The following CERS6 variants were observed in gnomAD, a reference collection of about 807,000 sequenced individuals.
The protein encoded by CERS6 is ceramide synthase 6.
Under a neutral mutation model 56.8 loss-of-function variants are expected in CERS6, and 26 were observed. The observed-to-expected ratio is 0.46, with a 90% CI of 0.34 to 0.63. CERS6 has a LOEUF of 0.63. Ranked by LOEUF, CERS6 falls within the 30% of genes least tolerant of loss-of-function variation. CERS6 has a pLI of 0.01. For synonymous variants in CERS6, 164 were observed against 173.3 expected (o/e 0.95, Z 0.42); for missense variants, 415 against 467.5 (o/e 0.89, Z 1.04).
chr2:168,517,515 A>T (rs202036609), intron 1 of CERS6, among the ~76,000 whole-genome samples: 55 of 150,490 alleles, frequency 3.7e-4, no homozygotes, highest in East Asian at 2.7e-3. Flanking sequence ...ATAAATAAAT[A>T]AATAAATAAT....
At chr2:168,634,573 A>G (rs1684821125) in intron 4 of CERS6, among the ~76,000 whole-genome samples, 2 of 151,952 alleles carry the variant, frequency 1.3e-5, no homozygotes, top group African/African-American at 4.8e-5. Context: ...CCACCATGAC[A>G]GGCTAATTTT....
intron 8 of CERS6, among the ~76,000 whole-genome samples, chr2:168,763,344 C>T (rs1324032254): frequency 1.3e-5 from 2 of 149,838 alleles, no homozygotes; most frequent in East Asian, 2.0e-4. Flanking sequence ...TGGGTTCAAG[C>T]AATTCTCCTG....
At chr2:168,534,276 G>C (rs749266088) in intron 1 of CERS6, among the ~76,000 whole-genome samples, 4 of 152,056 alleles carry the variant, frequency 2.6e-5, no homozygotes, top group Non-Finnish European at 4.4e-5. Flanking sequence ...GCGACGTTGC[G>C]ATCATTTGGA....
intron 1 of CERS6, among the ~76,000 whole-genome samples, chr2:168,525,123 T>A (rs1695048657): frequency 6.6e-6 from 1 of 152,176 alleles, no homozygotes; most frequent in African/African-American, 2.4e-5. Flanking sequence ...ACAGGTGCAG[T>A]GTGGGCTGCT....
intron 6 of CERS6, among the ~76,000 whole-genome samples, chr2:168,709,956 C>T (rs749750713): frequency 1.3e-5 from 2 of 152,062 alleles, no homozygotes; most frequent in African/African-American, 2.4e-5. Context: ...ATGTATAATG[C>T]GTTCTGAAGC....
chr2:168,464,089 A>G (rs1693824587), intron 1 of CERS6, among the ~76,000 whole-genome samples: 1 of 151,864 alleles, frequency 6.6e-6, no homozygotes, highest in South Asian at 2.1e-4. Flanking sequence ...TCTGTAAGAA[A>G]TTGGTGGCCT....
intron 3 of CERS6, among the ~76,000 whole-genome samples, chr2:168,620,226 G>A (rs886939020): frequency 4.6e-5 from 7 of 151,866 alleles, no homozygotes; most frequent in African/African-American, 1.4e-4. Context: ...GAAGCTATGC[G>A]GATGCAAAGG....
At chr2:168,765,792 G>T (rs114643607) in intron 9 of CERS6, 44 bp downstream of exon 9, 2 of 1,559,622 alleles carry the variant, frequency 1.3e-6, no homozygotes, top group East Asian at 2.3e-5. Flanking sequence ...AAAAAATTTT[G>T]TTTTTGTAAT....
intron 3 of CERS6, among the ~76,000 whole-genome samples, chr2:168,629,347 G>A (rs981486142): frequency 6.6e-6 from 1 of 151,980 alleles, no homozygotes. Flanking sequence ...GCCTCCAGGG[G>A]CCAGACAAGG....
At chr2:168,677,785 C>G (rs1438430147) in intron 4 of CERS6, among the ~76,000 whole-genome samples, 4 of 152,196 alleles carry the variant, frequency 2.6e-5, no homozygotes, top group African/African-American at 9.7e-5. Flanking sequence ...GCATGAGCCA[C>G]TGTGCCCAGC....
chr2:168,739,992 C>T (rs1404629690), intron 8 of CERS6, among the ~76,000 whole-genome samples: 1 of 152,044 alleles, frequency 6.6e-6, no homozygotes, highest in East Asian at 1.9e-4. Flanking sequence ...TGAGTCACTG[C>T]GCCCAGCCTG....
chr2:168,649,820 C>G (rs1449917006), intron 4 of CERS6, among the ~76,000 whole-genome samples: 2 of 152,044 alleles, frequency 1.3e-5, no homozygotes, highest in South Asian at 2.1e-4. Flanking sequence ...CACTCTTTCC[C>G]CCTCGTAGAG....
At chr2:168,538,444 T>TC (rs1695305812) in intron 1 of CERS6, among the ~76,000 whole-genome samples, 1 of 152,142 alleles carries the variant, frequency 6.6e-6, no homozygotes, top group Admixed American at 6.6e-5. Flanking sequence ...AGAATGTCCT[T>TC]CCCCCACTTA....
intron 3 of CERS6, among the ~76,000 whole-genome samples, chr2:168,626,472 C>G (rs1559025951): frequency 6.6e-6 from 1 of 152,118 alleles, no homozygotes; most frequent in Non-Finnish European, 1.5e-5. Context: ...TTTTAGTAGT[C>G]TTGATTTTAA....
intron 1 of CERS6, among the ~76,000 whole-genome samples, chr2:168,527,783 G>C (rs6761630): frequency 7.9e-5 from 12 of 152,142 alleles, no homozygotes; most frequent in African/African-American, 2.9e-4. Flanking sequence ...TTAAGTAGTA[G>C]TATCTCAGCT....
chr2:168,468,113 A>G (rs1693915072), intron 1 of CERS6, among the ~76,000 whole-genome samples: 1 of 151,912 alleles, frequency 6.6e-6, no homozygotes, highest in African/African-American at 2.4e-5. Flanking sequence ...CCTGTGGAAA[A>G]CCATTTCTAA....
intron 3 of CERS6, among the ~76,000 whole-genome samples, chr2:168,607,764 A>G (rs781357261): frequency 1.1e-4 from 16 of 152,120 alleles, no homozygotes; most frequent in Non-Finnish European, 1.9e-4. Context: ...GGTTTGCTGC[A>G]AAATTTTAAA....
At chr2:168,699,523 T>C (rs1282230663) in intron 6 of CERS6, among the ~76,000 whole-genome samples, 1 of 152,230 alleles carries the variant, frequency 6.6e-6, no homozygotes, top group Non-Finnish European at 1.5e-5. Flanking sequence ...TTGACAATCA[T>C]TTATTTTGAT....
intron 1 of CERS6, among the ~76,000 whole-genome samples, chr2:168,532,801 A>G (rs1695191460): frequency 6.6e-6 from 1 of 152,240 alleles, no homozygotes; most frequent in Non-Finnish European, 1.5e-5. Flanking sequence ...CCATAATCCC[A>G]TTGTTTGGCA....
Sources: gnomAD v4.1 joint callset for allele counts (sites outside exome capture counted in the v4.1 genomes callset) on GRCh38, gnomAD v4.1.1 for gene constraint, MANE v1.5 for transcripts, NCBI Gene and HGNC (gene_info 2026-07-23, HGNC 2026-07-21) for gene names.